The following DOK5 variants were observed in gnomAD, a reference collection of about 807,000 sequenced individuals.
DOK5 encodes the protein downstream of tyrosine kinase 5.
In DOK5, 27 loss-of-function variants were observed where a neutral mutation model predicts 43.3. That is an observed-to-expected ratio of 0.62 (90% CI 0.46 to 0.86). The LOEUF is 0.86. Ranked by LOEUF, DOK5 falls within the 40% of genes least tolerant of loss-of-function variation. DOK5 has a pLI of 0.00. For missense variants in DOK5, 373 were observed against 392.9 expected (o/e 0.95, Z 0.43); for synonymous variants, 146 against 140.1 (o/e 1.04, Z -0.30).
At chr20:54,642,032 G>A (rs763734219) in intron 6 of DOK5, among the ~76,000 whole-genome samples, 16 of 152,114 alleles carry the variant, frequency 1.1e-4, no homozygotes, top group Admixed American at 3.3e-4. Flanking sequence ...ATCAACCTGC[G>A]TCATGATTGT....
intron 5 of DOK5, among the ~76,000 whole-genome samples, chr20:54,602,200 G>T (rs79220959): frequency 2.6e-5 from 4 of 152,142 alleles, no homozygotes; most frequent in African/African-American, 7.2e-5. Context: ...ATTTGATGCC[G>T]GATCCTTTGC....
chr20:54,647,419 C>T (rs1302698869), intron 7 of DOK5, among the ~76,000 whole-genome samples: 4 of 151,390 alleles, frequency 2.6e-5, no homozygotes, highest in Non-Finnish European at 4.4e-5. Flanking sequence ...GTGGGAGAAT[C>T]GCTTGAACCC....
intron 1 of DOK5, among the ~76,000 whole-genome samples, chr20:54,542,252 G>T (rs1311161890): frequency 6.6e-6 from 1 of 152,052 alleles, no homozygotes; most frequent in African/African-American, 2.4e-5. Context: ...CTGGCACATG[G>T]TAGGCACCTG....
chr20:54,623,016 C>T (rs1310524696), intron 6 of DOK5, among the ~76,000 whole-genome samples: 1 of 152,144 alleles, frequency 6.6e-6, no homozygotes, highest in Non-Finnish European at 1.5e-5. Flanking sequence ...ACACTGTACT[C>T]CTGTGAAGCC....
At chr20:54,523,623 G>A (rs2146698861) in intron 1 of DOK5, among the ~76,000 whole-genome samples, 1 of 152,078 alleles carries the variant, frequency 6.6e-6, no homozygotes, top group Middle Eastern at 3.4e-3. Flanking sequence ...TTGTTGCTTT[G>A]AGATGGAGTT....
At chr20:54,642,258 AC>A (rs1249031036) in intron 6 of DOK5, among the ~76,000 whole-genome samples, 1 of 152,068 alleles carries the variant, frequency 6.6e-6, no homozygotes, top group Non-Finnish European at 1.5e-5. Flanking sequence ...GGGGACTAGA[AC>A]TGTGTCTTTA....
intron 5 of DOK5, among the ~76,000 whole-genome samples, chr20:54,594,454 G>T (rs543283270): frequency 6.6e-6 from 1 of 152,194 alleles, no homozygotes; most frequent in Admixed American, 6.5e-5. Context: ...TTTTGGTAAG[G>T]TTGGTATATT....
chr20:54,475,698 C>G lies in DOK5; in HGVS notation c.-249C>G, dbSNP rs1981388803. ...CGCGGAGTCAGCTGACGCCGGCGCT[C>G]CAGCCTCGCCTCCCCGCGCCGCGCT... On this transcript the variant is annotated 5_prime_UTR_variant, in exon 1 of 8. Transcript: ENST00000262593. This position sits in a 1 kb window ranked among gnomAD's most constrained non-coding sequence, Gnocchi z 4.2. 3 of 561,356 alleles carry G rather than the reference C, an allele frequency of 5.3e-6. No homozygotes were observed. Among genetic ancestry groups the G allele is most frequent in the Admixed American group, 3.2e-5 (1 of 31,246 alleles). The allele number at this position is 561,356 out of a possible 1,614,324, so 34.8% of individuals were successfully genotyped here.
At chr20:54,522,336 A>G (rs557445456) in intron 1 of DOK5, among the ~76,000 whole-genome samples, 26 of 152,338 alleles carry the variant, frequency 1.7e-4, no homozygotes, top group Admixed American at 6.5e-5. Flanking sequence ...CAAGCTTGCC[A>G]TAGACACTCA....
At chr20:54,590,311 C>T (rs1175006996) in intron 4 of DOK5, among the ~76,000 whole-genome samples, 1 of 152,106 alleles carries the variant, frequency 6.6e-6, no homozygotes, top group Admixed American at 6.6e-5. Context: ...ATTAGTATGA[C>T]TTCAAATGAT....
At chr20:54,589,555 T>C (rs1985918771) in intron 4 of DOK5, among the ~76,000 whole-genome samples, 1 of 152,164 alleles carries the variant, frequency 6.6e-6, no homozygotes, top group South Asian at 2.1e-4. Context: ...GAGGAATCAT[T>C]CCTTTGTCTC....
At chr20:54,539,308 A>AAT (rs1865145950) in intron 1 of DOK5, among the ~76,000 whole-genome samples, 1 of 146,116 alleles carries the variant, frequency 6.8e-6, no homozygotes, top group East Asian at 2.0e-4. Context: ...AAAAAAAAAA[A>AAT]AGTGGAGAAC....
At chr20:54,507,117 ACTTATTACCACGTT>A (rs1982838289) in intron 1 of DOK5, among the ~76,000 whole-genome samples, 1 of 152,230 alleles carries the variant, frequency 6.6e-6, no homozygotes. Context: ...TTTTTTGAGT[ACTTATTACCACGTT>A]ACAGGAGTTT....
At chr20:54,541,165 C>T (rs1371448970) in intron 1 of DOK5, among the ~76,000 whole-genome samples, 1 of 152,192 alleles carries the variant, frequency 6.6e-6, no homozygotes, top group African/African-American at 2.4e-5. Context: ...CTTACCCTTA[C>T]ATTCAATCCC....
intron 2 of DOK5, among the ~76,000 whole-genome samples, chr20:54,579,372 G>A (rs1985558722): frequency 6.6e-6 from 1 of 152,088 alleles, no homozygotes; most frequent in South Asian, 2.1e-4. Flanking sequence ...GTGTGTGTGT[G>A]TGTTGGCAGG....
chr20:54,647,234 G>A (rs1979474070), intron 7 of DOK5, among the ~76,000 whole-genome samples: 1 of 152,128 alleles, frequency 6.6e-6, no homozygotes, highest in Non-Finnish European at 1.5e-5. Flanking sequence ...TCTGGGCGTG[G>A]TGGCTCACAC....
chr20:54,572,476 T>C (rs563783770), intron 2 of DOK5, among the ~76,000 whole-genome samples: 1 of 152,176 alleles, frequency 6.6e-6, no homozygotes, highest in African/African-American at 2.4e-5. Context: ...CATTCTTATA[T>C]GTACAATGGG....
intron 1 of DOK5, among the ~76,000 whole-genome samples, chr20:54,516,313 G>C (rs941893271): frequency 1.3e-5 from 2 of 152,082 alleles, no homozygotes; most frequent in African/African-American, 4.8e-5. Context: ...TTCAAATTGG[G>C]GTTCTAATTC....
chr20:54,488,675 C>A (rs879457508), intron 1 of DOK5, among the ~76,000 whole-genome samples: 2 of 148,002 alleles, frequency 1.4e-5, no homozygotes, highest in African/African-American at 5.0e-5. Flanking sequence ...TTTTTCCTTC[C>A]CTCCTTCCTT....
Sources: gnomAD v4.1 joint callset for allele counts (sites outside exome capture counted in the v4.1 genomes callset) on GRCh38, gnomAD v4.1.1 for gene constraint, Gnocchi (gnomAD v3.1) non-coding constraint, MANE v1.5 for transcripts, NCBI Gene and HGNC (gene_info 2026-07-23, HGNC 2026-07-21) for gene names.